The following AUTS2 variants were observed in gnomAD, a reference collection of about 807,000 sequenced individuals.
AUTS2 encodes the protein autism susceptibility gene 2 protein.
AUTS2 carries 17 observed loss-of-function variants against 112.4 expected under a neutral mutation model. That is an observed-to-expected ratio of 0.15 (90% CI 0.10 to 0.23). AUTS2 has a LOEUF of 0.23. Ranked by LOEUF, AUTS2 falls within the 10% of genes least tolerant of loss-of-function variation. The pLI is 1.00. For missense variants in AUTS2, 1,510 were observed against 1,701.6 expected, an observed-to-expected ratio of 0.89 and a Z score of 1.98; for synonymous variants, 751 against 702.7, an observed-to-expected ratio of 1.07 and a Z score of -1.09.
intron 4 of AUTS2, among the ~76,000 whole-genome samples, chr7:70,227,746 T>A (rs1017733155): frequency 3.3e-5 from 5 of 152,142 alleles, no homozygotes; most frequent in African/African-American, 4.8e-5. Flanking sequence ...TTTGTGAATT[T>A]CCCAGATTTT....
chr7:70,326,510 A>C (rs538011846), intron 4 of AUTS2, among the ~76,000 whole-genome samples: 126 of 152,294 alleles, frequency 8.3e-4, no homozygotes, highest in African/African-American at 3.0e-3. Context: ...TCACAGTTAC[A>C]CAAAGGAAAT....
chr7:70,003,593 A>G (rs1190197389), intron 2 of AUTS2, among the ~76,000 whole-genome samples: 14 of 124,258 alleles, frequency 1.1e-4, no homozygotes, highest in African/African-American at 3.9e-4. Context: ...AATATATATG[A>G]ATATGTTATA....
At chr7:70,194,663 C>T (rs1296259091) in intron 4 of AUTS2, 1 of 152,130 alleles carries the variant, frequency 6.6e-6, no homozygotes, top group Admixed American at 6.5e-5. Context: ...TCTCTCCCAT[C>T]CCAAGCAGTC....
intron 5 of AUTS2, among the ~76,000 whole-genome samples, chr7:70,554,315 C>T (rs1445428135): frequency 1.3e-5 from 2 of 151,678 alleles, no homozygotes; most frequent in Non-Finnish European, 2.9e-5. Flanking sequence ...GTGATCTGCC[C>T]ACCTCAGCCT....
At chr7:69,824,180 G>A (rs1024886797) in intron 1 of AUTS2, among the ~76,000 whole-genome samples, 4 of 151,914 alleles carry the variant, frequency 2.6e-5, no homozygotes, top group African/African-American at 7.2e-5. Flanking sequence ...GTGGGAGGCC[G>A]AGGTGGGCGT....
At position 69,599,967 on chromosome 7, in the gene AUTS2, G is replaced by A; in HGVS notation, c.309+5G>A. ...GTCACTTTTGAAGCGCTGGAGGTAAGGGGGACCCCCCTTCCCCCGGGTTCC... is the reference window on the plus strand; with the variant it reads ...GTCACTTTTGAAGCGCTGGAGGTAAAGGGGACCCCCCTTCCCCCGGGTTCC... On this transcript the variant is annotated splice_donor_5th_base_variant and intron_variant, in intron 1 of 18. Transcript: ENST00000342771. The surrounding 1 kb of genome is among the most constrained non-coding windows in gnomAD (Gnocchi z 7.0). The A allele has an allele frequency of 1.9e-6, 3 of 1,612,642 alleles. No individual in the cohort carries two copies. The highest frequency in any genetic ancestry group is 2.5e-6 in the Non-Finnish European group (3 of 1,179,616).
intron 4 of AUTS2, chr7:70,194,893 T>C (rs1441919050): frequency 6.6e-6 from 1 of 152,170 alleles, no homozygotes; most frequent in Non-Finnish European, 1.5e-5. Flanking sequence ...TCCCACATTA[T>C]ATAAGAGGTG....
chr7:70,118,132 C>A lies in AUTS2; in HGVS notation c.523C>A (p.Leu175Ile). ...TTTTTCTCTTTTCTTTTGCCTTTAG[C>A]TCAAGCCAGGACAGAACAGCTGCAG... ...RKKMPKALRQLKPGQNSCRDS... is the reference protein window; with the variant it reads ...RKKMPKALRQIKPGQNSCRDS... The change falls in exon 3 of 19, where the codon CTC becomes ATC. Residue 175 changes from leucine (L) to isoleucine (I), a missense_variant and splice_region_variant. Leu to Ile is a conservative substitution (Grantham distance 5). This residue lies in a region of AUTS2 where 535 missense variants were observed against 594.3 expected (regional missense o/e 0.90). Coordinates refer to ENST00000342771, the MANE Select transcript of AUTS2 (RefSeq NM_015570.4). 6.3e-7 allele frequency: 1 copy of A among 1,579,870 alleles called. No homozygotes were observed.
chr7:70,220,991 G>C (rs1243480262), intron 4 of AUTS2, among the ~76,000 whole-genome samples: 1 of 152,210 alleles, frequency 6.6e-6, no homozygotes, highest in African/African-American at 2.4e-5. Flanking sequence ...GGAGTGCAGT[G>C]GTCACTACAG....
Position 70,507,635 on chromosome 7 carries a change from A to G in AUTS2, c.690+71854A>G, listed in dbSNP as rs184802931. Among the ~76,000 whole-genome samples the G allele has an allele frequency of 6.3e-4, 96 of 151,968 alleles. 1 individual carries two copies. The highest frequency in any genetic ancestry group is 3.4e-4 in the Non-Finnish European group (23 of 67,946). ...AACATGGTGAAACCCTGTCTCTACT[A>G]AAAATACAAAAATTAGCCAGGTATG... is the stretch of plus-strand genomic sequence containing the variant. On this transcript the variant is annotated intron_variant, in intron 5 of 18. Transcript: ENST00000342771.
chr7:70,590,756 C>T (rs1802905388), intron 5 of AUTS2, among the ~76,000 whole-genome samples: 1 of 152,194 alleles, frequency 6.6e-6, no homozygotes, highest in Non-Finnish European at 1.5e-5. Context: ...GTCAACAAAA[C>T]ATAACAGATT....
At chr7:69,727,147 T>A (rs886093516) in intron 1 of AUTS2, among the ~76,000 whole-genome samples, 6 of 152,202 alleles carry the variant, frequency 3.9e-5, no homozygotes, top group Non-Finnish European at 8.8e-5. Flanking sequence ...TTATTTATCT[T>A]TTGGTGTATG....
chr7:69,758,690 C>G (rs905841461), intron 1 of AUTS2, among the ~76,000 whole-genome samples: 1 of 152,170 alleles, frequency 6.6e-6, no homozygotes, highest in Admixed American at 6.5e-5. Context: ...TTCCAACCTC[C>G]GTATTGTCCT....
chr7:69,865,516 G>A (rs1793182852), intron 1 of AUTS2, among the ~76,000 whole-genome samples: 1 of 152,108 alleles, frequency 6.6e-6, no homozygotes. Context: ...TAATTTCCTA[G>A]TTCAAGGACT....
rs1227678201 is a variant in AUTS2, at chr7:70,792,417, G to GAAATA, written c.*1426_*1430dup. 2 of 144,774 alleles carry GAAATA rather than the reference G, an allele frequency of 1.4e-5. No individual in the cohort carries two copies. The highest frequency in any genetic ancestry group is 3.0e-5 in the Non-Finnish European group (2 of 66,912). 9.0% of individuals were successfully genotyped at this position (144,774 alleles called of 1,614,324 possible). On this transcript the variant is annotated 3_prime_UTR_variant, in exon 19 of 19. Transcript: ENST00000342771. ...CTACTGGACTGTAAAATATATGTATGAAATAAAATTAGTTCCATTTGGTCT... is the reference window on the plus strand; with the variant it reads ...CTACTGGACTGTAAAATATATGTATGAAATAAAATAAAATTAGTTCCATTTGGTCT...
At chr7:70,453,621 G>A (rs932318410) in intron 5 of AUTS2, among the ~76,000 whole-genome samples, 1 of 152,196 alleles carries the variant, frequency 6.6e-6, no homozygotes, top group African/African-American at 2.4e-5. Context: ...CCTCCCAGAC[G>A]CTCTAAAGGA....
At chr7:70,125,378 C>T (rs1805915190) in intron 3 of AUTS2, among the ~76,000 whole-genome samples, 1 of 151,776 alleles carries the variant, frequency 6.6e-6, no homozygotes, top group Non-Finnish European at 1.5e-5. Flanking sequence ...GAGTACTTTG[C>T]CTAATGCCTA....
chr7:70,017,068 G>A (rs1011826667), intron 2 of AUTS2, among the ~76,000 whole-genome samples: 1 of 152,206 alleles, frequency 6.6e-6, no homozygotes, highest in Non-Finnish European at 1.5e-5. Flanking sequence ...GACTAAGCCA[G>A]TAATGCTATG....
At chr7:70,012,158 A>C (rs944979837) in intron 2 of AUTS2, among the ~76,000 whole-genome samples, 17 of 152,108 alleles carry the variant, frequency 1.1e-4, no homozygotes, top group Admixed American at 4.6e-4. Flanking sequence ...TGATCTGTGG[A>C]GAAGGCAGAG....
Sources: gnomAD v4.1 joint callset for allele counts (sites outside exome capture counted in the v4.1 genomes callset) on GRCh38, gnomAD v4.1.1 for gene constraint, gnomAD v4.1.1 regional missense constraint, Gnocchi (gnomAD v3.1) non-coding constraint, MANE v1.5 for transcripts, NCBI Gene and HGNC (gene_info 2026-07-23, HGNC 2026-07-21) for gene names.